Variants in DHPS observed in about 807,000 individuals in gnomAD.
DHPS encodes deoxyhypusine synthase, also known as migration-inducing gene 13.
DHPS carries 24 observed loss-of-function variants against 38.7 expected under a neutral mutation model. That is an observed-to-expected ratio of 0.62 (90% CI 0.45 to 0.87). The LOEUF (loss-of-function observed/expected upper bound fraction) is 0.87, where lower values mean the gene tolerates loss of function less well. Ranked by LOEUF, DHPS falls within the 40% of genes least tolerant of loss-of-function variation. The pLI is 0.00. For synonymous variants in DHPS, 250 were observed against 204.4 expected (o/e 1.22, Z -1.90); for missense variants, 510 against 497.6 (o/e 1.02, Z -0.24).
intron 3 of DHPS, 27 bp from the exon 4 acceptor site, chr19:12,679,746 AG>A (rs1314673678): frequency 6.2e-7 from 1 of 1,614,170 alleles, no homozygotes. Flanking sequence ...TGTAGGCATC[AG>A]GCCCCAGGAC....
chr19:12,677,397 C>T lies in DHPS; in HGVS notation c.679-1G>A, dbSNP rs748062148. The T allele has an allele frequency of 5.0e-6, 8 of 1,612,942 alleles. No individual in the cohort carries two copies. The highest frequency in any genetic ancestry group is 6.8e-6 in the Non-Finnish European group (8 of 1,179,416). On this transcript the variant is annotated splice_acceptor_variant, in intron 5 of 8. Transcript: ENST00000210060. LOFTEE classifies it high-confidence loss of function. ...CGGGACTAAACACAGGGATGTGGTTCTGCAGAGAACATGACAGGACAGTGG... is the reference window on the plus strand; with the variant it reads ...CGGGACTAAACACAGGGATGTGGTTTTGCAGAGAACATGACAGGACAGTGG...
At chr19:12,676,507 C>A in intron 7 of DHPS, 1 of 241,342 alleles carries the variant, frequency 4.1e-6, no homozygotes, top group Non-Finnish European at 8.3e-6. Context: ...ACCATCTGTT[C>A]ACCACATGGC....
downstream of DHPS, chr19:12,673,192 C>A (rs748858465): frequency 1.2e-6 from 2 of 1,613,824 alleles, no homozygotes; most frequent in Non-Finnish European, 1.7e-6. Flanking sequence ...CCGATCCTGT[C>A]CACCCTTAGG....
rs752199073 is a variant in DHPS, at chr19:12,681,732, C to G, written c.35G>C (p.Gly12Ala). Residue 12 changes from glycine to alanine, a missense_variant, in exon 1 of 9, where the codon GGG (glycine) becomes GCG (alanine). Transcript: ENST00000210060. ...GTGCTTTAGCACGGCGGCCAGCGCC[C>G]CCGCTGGCGCCTCCCGTTCCAGGGA... is the stretch of plus-strand genomic sequence containing the variant. Reference protein sequence around the residue: ...EGSLEREAPAGALAAVLKHSS... With the variant: ...EGSLEREAPAAALAAVLKHSS... The G allele has an allele frequency of 5.0e-6, 8 of 1,612,336 alleles. No individual in the cohort carries two copies. The highest frequency in any genetic ancestry group is 2.2e-5 in the South Asian group (2 of 91,062).
chr19:12,678,948 G>A (rs2024707740), intron 5 of DHPS, among the ~76,000 whole-genome samples: 1 of 151,734 alleles, frequency 6.6e-6, no homozygotes, highest in Non-Finnish European at 1.5e-5. Context: ...GATAGTCTGG[G>A]AGGAGCATAA....
chr19:12,679,568 C>T, intron 4 of DHPS, 25 bp from the exon 5 acceptor site: 1 of 1,614,054 alleles, frequency 6.2e-7, no homozygotes, highest in Non-Finnish European at 8.5e-7. Flanking sequence ...GACCTTCAGG[C>T]CATGCCTCCC....
Position 12,681,871 on chromosome 19 carries a change from A to G in DHPS, c.-105T>C, listed in dbSNP as rs116722636. 1.2e-5 allele frequency: 12 copies of G among 1,013,962 alleles called. No individual in the cohort carries two copies. The highest frequency in any genetic ancestry group is 4.8e-5 in the African/African-American group (3 of 62,620). 62.8% of individuals were successfully genotyped at this position (1,013,962 alleles called of 1,614,324 possible). On this transcript the variant is annotated 5_prime_UTR_variant, in exon 1 of 9. Coordinates refer to ENST00000210060, the MANE Select transcript of DHPS (RefSeq NM_001930.4). ...CGCGCGTCTCCGCAAGAGCACAGGA[A>G]GTAGGGAACGTGCTTTGGGCGAAAG...
chr19:12,676,327 G>C (rs551451494), intron 7 of DHPS, 185 bp from the exon 8 acceptor site: 1 of 764,012 alleles, frequency 1.3e-6, no homozygotes, highest in South Asian at 1.9e-5. Flanking sequence ...GGGCAACGAT[G>C]GCTGTGTTTC....
At chr19:12,680,768 A>G (rs558019880) in intron 1 of DHPS, among the ~76,000 whole-genome samples, 1 of 138,024 alleles carries the variant, frequency 7.2e-6, no homozygotes, top group South Asian at 2.3e-4. Context: ...TCCCGACCTC[A>G]GGTGATCCGC....
intron 2 of DHPS, 77 bp downstream of exon 2, chr19:12,680,084 C>T (rs2024749166): frequency 3.2e-6 from 5 of 1,586,310 alleles, no homozygotes; most frequent in Middle Eastern, 2.0e-4. Context: ...CCCTATCTGC[C>T]CATCTCACTT....
Position 12,680,291 on chromosome 19 carries a change from T to C in DHPS, c.242A>G (p.Glu81Gly), listed in dbSNP as rs1364338049. The C allele has an allele frequency of 6.2e-7, 1 of 1,614,158 alleles. No homozygotes were observed. The highest frequency in any genetic ancestry group is 8.5e-7 in the Non-Finnish European group (1 of 1,180,026). ...EKKLEPLSQD[E>G]DQHADLTQSR... is the part of the protein sequence containing the mutation. ...CTGGGTCAGGTCCGCGTGCTGGTCT[T>C]CATCCTGTGACAGTGGTTCCAGCTT... The change falls in exon 2 of 9, where the codon GAA becomes GGA. Residue 81 changes from glutamate to glycine, a missense_variant. By Grantham distance (98) the Glu-to-Gly change is moderately conservative. Coordinates refer to ENST00000210060, the MANE Select transcript of DHPS (RefSeq NM_001930.4).
At chr19:12,673,745 G>A (rs2024489718), downstream of DHPS, among the ~76,000 whole-genome samples, 1 of 151,584 alleles carries the variant, frequency 6.6e-6, no homozygotes, top group South Asian at 2.1e-4. Flanking sequence ...CTATTGCCCA[G>A]GCAAATGCAG....
chr19:12,680,807 T>TAC (rs1287770798), intron 1 of DHPS, among the ~76,000 whole-genome samples: 1 of 147,832 alleles, frequency 6.8e-6, no homozygotes, highest in Non-Finnish European at 1.5e-5. Context: ...ATGCTGAGAT[T>TAC]ACAGGCATGA....
Position 12,680,160 on chromosome 19 carries a change from C to T in DHPS, c.372+1G>A. The T allele has an allele frequency of 6.2e-7, 1 of 1,614,074 alleles. No individual in the cohort carries two copies. The highest frequency in any genetic ancestry group is 8.5e-7 in the Non-Finnish European group (1 of 1,179,938). ...AGGCCACGGCCTCACCAGGTCCCCA[C>T]CATGTTGTGCTGCACAAGGTAGCGA... On this transcript the variant is annotated splice_donor_variant, in intron 2 of 8. Coordinates refer to ENST00000210060, the MANE Select transcript of DHPS (RefSeq NM_001930.4). LOFTEE classifies it high-confidence loss of function.
At position 12,681,070 on chromosome 19, in the gene DHPS, G is replaced by C. The variant is rs577618756; in HGVS notation, c.207+490C>G. On this transcript the variant is annotated intron_variant, in intron 1 of 8. Coordinates refer to ENST00000210060, the MANE Select transcript of DHPS (RefSeq NM_001930.4). Reference sequence around the variant, plus strand: ...GCTTGTCTCGAACTCCTCTTCTCTTGATCCACCCGCCTCGGCTTCCCAAAA... The same window carrying C: ...GCTTGTCTCGAACTCCTCTTCTCTTCATCCACCCGCCTCGGCTTCCCAAAA... The C allele has an allele frequency of 2.4e-5, 29 of 1,191,358 alleles. No homozygotes were observed. In the East Asian group the frequency reaches 1.9e-3, roughly 80 times the overall value. 73.8% of individuals were successfully genotyped at this position (1,191,358 alleles called of 1,614,324 possible).
chr19:12,673,557 A>G (rs1488938939), downstream of DHPS, among the ~76,000 whole-genome samples: 5 of 151,268 alleles, frequency 3.3e-5, no homozygotes, highest in Non-Finnish European at 5.9e-5. Flanking sequence ...AGTTGGGATT[A>G]TAGGTGCGTG....
At chr19:12,674,453 G>T (rs926688198), downstream of DHPS, among the ~76,000 whole-genome samples, 4 of 152,146 alleles carry the variant, frequency 2.6e-5, no homozygotes, top group Non-Finnish European at 4.4e-5. Context: ...GAACCGGGGG[G>T]GCCCTGAAGA....
At chr19:12,672,928 G>C, downstream of DHPS, 2 of 1,598,544 alleles carry the variant, frequency 1.3e-6, no homozygotes, top group Non-Finnish European at 1.7e-6. Flanking sequence ...AGTGTGGCTG[G>C]GGATGTGGGA....
rs527626277 is a variant in DHPS, at chr19:12,681,171, A to C, written c.207+389T>G. The C allele has an allele frequency of 6.3e-5, 80 of 1,263,076 alleles. No homozygotes were observed. In the South Asian group the frequency reaches 9.3e-4, roughly 15 times the overall value. 78.2% of individuals were successfully genotyped at this position (1,263,076 alleles called of 1,614,324 possible). A position where few individuals can be genotyped will look rare whatever the true frequency, so the allele number is the denominator to read the frequency against. On this transcript the variant is annotated intron_variant, in intron 1 of 8. Transcript: ENST00000210060. Reference sequence around the variant, plus strand: ...TAGGAATCAGAGAGCATCTCCTTTCAGATCCGGTCCCTTCCCCGCTGGGAA... The same window carrying C: ...TAGGAATCAGAGAGCATCTCCTTTCCGATCCGGTCCCTTCCCCGCTGGGAA...
Sources: allele counts gnomAD v4.1 joint callset (sites outside exome capture counted in the v4.1 genomes callset), GRCh38; gene constraint gnomAD v4.1.1; transcripts MANE v1.5; gene names NCBI Gene and HGNC (gene_info 2026-07-23, HGNC 2026-07-21).